TRPM2: variants seen among roughly 807,000 people sequenced by gnomAD.
TRPM2 encodes transient receptor potential cation channel subfamily M member 2.
A neutral mutation model predicts 174.0 loss-of-function variants in TRPM2; 161 were observed. The observed-to-expected ratio is 0.93, with a 90% CI of 0.81 to 1.05. The LOEUF (loss-of-function observed/expected upper bound fraction) is 1.05, where lower values mean the gene tolerates loss of function less well. TRPM2 is among the 50% of genes least tolerant of loss of function. The pLI, the probability that TRPM2 is intolerant of heterozygous loss-of-function variation, is 0.00. For missense variants in TRPM2, 2,057 were observed against 2,038.0 expected (o/e 1.01, Z -0.18); for synonymous variants, 954 against 861.3 (o/e 1.11, Z -1.88).
chr21:44,388,918 GAATTTTAAAATA>G (rs2049093627), intron 9 of TRPM2, among the ~76,000 whole-genome samples: 1 of 152,094 alleles, frequency 6.6e-6, no homozygotes, highest in African/African-American at 2.4e-5. Context: ...AAAACATAAT[GAATTTTAAAATA>G]TCAACTTTAT....
At position 44,399,388 on chromosome 21, in the gene TRPM2, C is replaced by A. The variant is rs751113713; in HGVS notation, c.2155C>A (p.Gln719Lys). The A allele has an allele frequency of 1.1e-5, 17 of 1,612,664 alleles. No homozygotes were observed. In the African/African-American group the frequency reaches 2.3e-4, roughly 22 times the overall value. Residue 719 changes from glutamine (Q) to lysine (K), a missense_variant, in exon 14 of 32, where the codon CAG (glutamine) becomes AAG (lysine). Coordinates refer to ENST00000397928, the MANE Select transcript of TRPM2 (RefSeq NM_003307.4). The surrounding 1 kb of genome is among the most constrained non-coding windows in gnomAD (Gnocchi z 4.6). Reference protein sequence around the residue: ...SEAWGKTTCLQLALEAKDMKF... With the variant: ...SEAWGKTTCLKLALEAKDMKF... ...GGCCTGGGGGAAGACCACCTGCCTG[C>A]AGCTCGCCCTGGAGGCCAAGGACAT...
intron 27 of TRPM2, among the ~76,000 whole-genome samples, chr21:44,430,171 A>G (rs991610788): frequency 4.6e-5 from 7 of 152,164 alleles, no homozygotes; most frequent in Admixed American, 1.3e-4. Context: ...TTTACTTAAG[A>G]TTTTAAAAAA....
intron 19 of TRPM2, among the ~76,000 whole-genome samples, chr21:44,407,487 T>C (rs575513061): frequency 7.2e-6 from 1 of 138,124 alleles, no homozygotes; most frequent in South Asian, 2.5e-4. Flanking sequence ...AACAGCTTCA[T>C]TGAGAGAAAT....
intron 5 of TRPM2, among the ~76,000 whole-genome samples, chr21:44,371,609 C>T (rs536689294): frequency 1.3e-5 from 2 of 152,340 alleles, no homozygotes; most frequent in East Asian, 3.9e-4. Flanking sequence ...TAAGAACACT[C>T]GTGATGGCGT....
rs941511374 is a variant in TRPM2, at chr21:44,366,998, G to A, written c.604+64G>A. On this transcript the variant is annotated intron_variant, in intron 4 of 31. Transcript: ENST00000397928. This position sits in a 1 kb window ranked among gnomAD's most constrained non-coding sequence, Gnocchi z 6.0. ...TGGGGTGGGCTGTGGAGGCAGTGCT[G>A]GGGCAATCAGGGCCATCAGGACCCA... 1.3e-6 allele frequency: 2 copies of A among 1,494,772 alleles called. No individual in the cohort carries two copies. Among genetic ancestry groups the A allele is most frequent in the Non-Finnish European group, 1.8e-6 (2 of 1,121,162 alleles). 92.6% of individuals were successfully genotyped at this position (1,494,772 alleles called of 1,614,324 possible). A position where few individuals can be genotyped will look rare whatever the true frequency, so the allele number is the denominator to read the frequency against.
Position 44,440,881 on chromosome 21 carries a change from C to T in TRPM2, c.4362C>T (p.Asp1454=), listed in dbSNP as rs371894712. Residue 1454 remains aspartate (D), a synonymous_variant, in exon 31 of 32, where the codon GAC becomes GAT. Coordinates refer to ENST00000397928, the MANE Select transcript of TRPM2 (RefSeq NM_003307.4). ...GCGTCCACTTCCAGGACCAGAATGACGTGGAGCTGAACAGGCTGAACTCTG... is the reference window on the plus strand; with the variant it reads ...GCGTCCACTTCCAGGACCAGAATGATGTGGAGCTGAACAGGCTGAACTCTG... ...AVSVHFQDQN[D]VELNRLNSNL... is the part of the protein sequence containing the mutation. 1.4e-5 allele frequency: 22 copies of T among 1,613,752 alleles called. No individual in the cohort carries two copies. The highest frequency in any genetic ancestry group is 9.3e-5 in the African/African-American group (7 of 74,942).
intron 12 of TRPM2, 29 bp downstream of exon 12, chr21:44,395,580 A>C (rs1200480299): frequency 6.2e-7 from 1 of 1,611,940 alleles, no homozygotes; most frequent in Non-Finnish European, 8.5e-7. Context: ...CAGTCTCAGC[A>C]GACACAGCTA....
chr21:44,397,319 A>G (rs376694457), intron 12 of TRPM2, among the ~76,000 whole-genome samples: 225 of 152,234 alleles, frequency 1.5e-3, no homozygotes, highest in African/African-American at 5.3e-3. Flanking sequence ...TTACAGGCGT[A>G]AGCCACTGCA....
Position 44,399,425 on chromosome 21 carries a change from C to T in TRPM2, c.2192C>T (p.Ser731Phe), listed in dbSNP as rs2049538394. 4 of 1,611,920 alleles carry T rather than the reference C, an allele frequency of 2.5e-6. No homozygotes were observed. The highest frequency in any genetic ancestry group is 3.4e-6 in the Non-Finnish European group (4 of 1,179,400). Residue 731 changes from serine (S) to phenylalanine (F), a missense_variant, in exon 14 of 32, where the codon TCT becomes TTT. Coordinates refer to ENST00000397928, the MANE Select transcript of TRPM2 (RefSeq NM_003307.4). This position sits in a 1 kb window ranked among gnomAD's most constrained non-coding sequence, Gnocchi z 4.6. ...GAGGCCAAGGACATGAAGTTTGTGT[C>T]TCACGGGGGCATCCAGGTGACCTCC... is the stretch of plus-strand genomic sequence containing the variant. ...ALEAKDMKFV[S>F]HGGIQAFLTK...
chr21:44,423,614 G>A (rs535753576), intron 22 of TRPM2, 31 bp from the exon 23 acceptor site: 6 of 1,591,750 alleles, frequency 3.8e-6, no homozygotes, highest in Non-Finnish European at 5.1e-6. Flanking sequence ...AAGGTGTGGT[G>A]TGCGTCCAGC....
chr21:44,406,573 C>T, intron 18 of TRPM2, 21 bp from the exon 19 acceptor site: 1 of 1,600,574 alleles, frequency 6.2e-7, no homozygotes, highest in Non-Finnish European at 8.5e-7. Context: ...GAGTGTAGCC[C>T]ACACACTCTC....
intron 4 of TRPM2, 72 bp from the exon 5 acceptor site, chr21:44,369,105 C>T (rs2146166232): frequency 4.2e-6 from 6 of 1,412,778 alleles, no homozygotes; most frequent in South Asian, 1.4e-5. Flanking sequence ...TAGAAGGGCT[C>T]AGGCGTCAGG....
rs764737178 is a variant in TRPM2, at chr21:44,399,370, G to T, written c.2137G>T (p.Gly713Trp). The T allele has an allele frequency of 6.2e-7, 1 of 1,612,858 alleles. No homozygotes were observed. The change falls in exon 14 of 32, where the codon GGG becomes TGG. Residue 713 changes from glycine (G) to tryptophan (W), a missense_variant. Physicochemically the swap from Gly to Trp is radical, Grantham distance 184. Coordinates refer to ENST00000397928, the MANE Select transcript of TRPM2 (RefSeq NM_003307.4). This position sits in a 1 kb window ranked among gnomAD's most constrained non-coding sequence, Gnocchi z 4.6. ...GCTCACCCGCGTGTCCGAGGCCTGG[G>T]GGAAGACCACCTGCCTGCAGCTCGC... Reference protein sequence around the residue: ...KLLTRVSEAWGKTTCLQLALE... With the variant: ...KLLTRVSEAWWKTTCLQLALE...
At chr21:44,410,426 G>A (rs1437244175) in intron 19 of TRPM2, among the ~76,000 whole-genome samples, 1 of 77,500 alleles carries the variant, frequency 1.3e-5, no homozygotes, top group African/African-American at 4.0e-5. Context: ...TCTCTTGGTT[G>A]GCATAGCCTT....
In TRPM2 at chr21:44,353,834, G is replaced by A. The variant is rs760077535; in HGVS notation, c.134G>A (p.Arg45Lys). 1 of 1,601,874 alleles carries A rather than the reference G, an allele frequency of 6.2e-7. No homozygotes were observed. The highest frequency in any genetic ancestry group is 8.5e-7 in the Non-Finnish European group (1 of 1,174,972). ...RSNSSLFKSW[R>K]LQCPFGNNDK... ...AACAGCAGCCTCTTCAAGAGCTGGAGGCTACAGTGCCCCTTCGGCAACAAT... is the reference window on the plus strand; with the variant it reads ...AACAGCAGCCTCTTCAAGAGCTGGAAGCTACAGTGCCCCTTCGGCAACAAT... Residue 45 changes from arginine (R) to lysine (K), a missense_variant, in exon 1 of 32, where the codon AGG becomes AAG. Coordinates refer to ENST00000397928, the MANE Select transcript of TRPM2 (RefSeq NM_003307.4).
At chr21:44,398,996 G>A (rs1382963832) in intron 13 of TRPM2, among the ~76,000 whole-genome samples, 3 of 152,134 alleles carry the variant, frequency 2.0e-5, no homozygotes, top group Admixed American at 1.3e-4. Context: ...CCTATGCCCA[G>A]GAATGGACAA....
At chr21:44,431,500 T>C (rs2051020895) in intron 27 of TRPM2, among the ~76,000 whole-genome samples, 2 of 152,098 alleles carry the variant, frequency 1.3e-5, no homozygotes, top group Non-Finnish European at 2.9e-5. Flanking sequence ...GATGGAGTCT[T>C]GCTCTGTACC....
chr21:44,424,310 C>T (rs982129249), intron 23 of TRPM2, among the ~76,000 whole-genome samples: 8 of 152,220 alleles, frequency 5.3e-5, no homozygotes, highest in East Asian at 3.8e-4. Context: ...CAGTCCTGCC[C>T]GTTGCACCCA....
In TRPM2 at chr21:44,391,383, A is replaced by G; in HGVS notation, c.1552A>G (p.Thr518Ala). The G allele has an allele frequency of 6.2e-7, 1 of 1,614,126 alleles. No individual in the cohort carries two copies. Among genetic ancestry groups the G allele is most frequent in the Non-Finnish European group, 8.5e-7 (1 of 1,180,036 alleles). The change falls in exon 11 of 32, where the codon ACC becomes GCC. Residue 518 changes from threonine to alanine, a missense_variant. Thr to Ala is a moderately conservative substitution (Grantham distance 58). Coordinates refer to ENST00000397928, the MANE Select transcript of TRPM2 (RefSeq NM_003307.4). This position sits in a 1 kb window ranked among gnomAD's most constrained non-coding sequence, Gnocchi z 5.0. ...GCTGAAGGAGTTTGTCACCTGGGAC[A>G]CCTTGCTCTACCTGTACGAGAACCT... is the stretch of plus-strand genomic sequence containing the variant. Reference protein sequence around the residue: ...VQLKEFVTWDTLLYLYENLDP... With the variant: ...VQLKEFVTWDALLYLYENLDP...
Sources: allele counts gnomAD v4.1 joint callset (sites outside exome capture counted in the v4.1 genomes callset), GRCh38; gene constraint gnomAD v4.1.1; non-coding constraint Gnocchi (gnomAD v3.1); transcripts MANE v1.5; gene names NCBI Gene and HGNC (gene_info 2026-07-23, HGNC 2026-07-21).